The following OGDHL variants were observed in gnomAD, a reference collection of about 807,000 sequenced individuals.
The protein encoded by OGDHL is oxoglutarate dehydrogenase L.
Under a neutral mutation model 109.6 loss-of-function variants are expected in OGDHL, and 79 were observed. That is an observed-to-expected ratio of 0.72 (90% CI 0.60 to 0.87). OGDHL has a LOEUF of 0.87. OGDHL is among the 40% of genes least tolerant of loss of function. OGDHL has a pLI of 0.00. For missense variants in OGDHL, 1,275 were observed against 1,362.2 expected, an observed-to-expected ratio of 0.94 and a Z score of 1.01; for synonymous variants, 528 against 537.2, an observed-to-expected ratio of 0.98 and a Z score of 0.24.
In OGDHL at chr10:49,735,237, C is replaced by G. The variant is rs930356693; in HGVS notation, c.3024G>C (p.Lys1008Asn). Residue 1008 changes from lysine to asparagine, a missense_variant, in exon 23 of 23, where the codon AAG (lysine) becomes AAC (asparagine). By Grantham distance (94) the Lys-to-Asn change is moderately conservative. Transcript: ENST00000374103. ...CAGGTTTTGCCCAGCTCTAAAATGT[C>G]TTGCCCTCAAAGGCCTGGAGATTGA... is the stretch of plus-strand genomic sequence containing the variant. ...TAFNLQAFEG[K>N]TF 7 of 1,613,570 alleles carry G rather than the reference C, an allele frequency of 4.3e-6. No homozygotes were observed. In the African/African-American group the frequency reaches 8.0e-5, roughly 18 times the overall value.
Position 49,739,694 on chromosome 10 carries a change from A to G in OGDHL, c.2286T>C (p.Ile762=). The G allele has an allele frequency of 6.2e-7, 1 of 1,614,034 alleles. No individual in the cohort carries two copies. Among genetic ancestry groups the G allele is most frequent in the Non-Finnish European group, 8.5e-7 (1 of 1,179,960 alleles). ...CCATGCCATGGGGCAGCAGCAGCAC[A>G]ATGCCATTATGCCGCACCCACTTGG... The part of the protein sequence containing the change: ...GQAKWVRHNG[I]VLLLPHGMEG... The change falls in exon 17 of 23, where the codon ATT becomes ATC. Residue 762 remains isoleucine, a synonymous_variant. Transcript: ENST00000374103.
chr10:49,754,695 T>C (rs1350659719), intron 3 of OGDHL, among the ~76,000 whole-genome samples: 1 of 144,904 alleles, frequency 6.9e-6, no homozygotes, highest in African/African-American at 2.5e-5. Flanking sequence ...AAAAATCAAA[T>C]GTCTATGGGA....
intron 3 of OGDHL, among the ~76,000 whole-genome samples, chr10:49,754,900 G>A (rs1842826792): frequency 6.6e-6 from 1 of 152,208 alleles, no homozygotes; most frequent in Non-Finnish European, 1.5e-5. Flanking sequence ...AGCCACTTTA[G>A]CCTATTGCAA....
rs1841367750 is a variant in OGDHL, at chr10:49,738,256, C to T, written c.2326G>A (p.Glu776Lys). The change falls in exon 18 of 23, where the codon GAG becomes AAG. Residue 776 changes from glutamate (E) to lysine (K), a missense_variant. By Grantham distance (56) the Glu-to-Lys change is moderately conservative. Coordinates refer to ENST00000374103, the MANE Select transcript of OGDHL (RefSeq NM_018245.3). ...CTTTCGGGCCTCGCTGACGAGTGCT[C>T]TGGGCCCTGAAAGCAAACGCCAGAC... ...LPHGMEGMGP[E>K]HSSARPERFL... 3 of 1,612,870 alleles carry T rather than the reference C, an allele frequency of 1.9e-6. No homozygotes were observed. Among genetic ancestry groups the T allele is most frequent in the East Asian group, 4.5e-5 (2 of 44,866 alleles).
chr10:49,753,208 C>CAT (rs1842718993), intron 3 of OGDHL, among the ~76,000 whole-genome samples: 1 of 152,030 alleles, frequency 6.6e-6, no homozygotes, highest in Non-Finnish European at 1.5e-5. Flanking sequence ...TGGTGAACTA[C>CAT]ACATTATCTA....
At chr10:49,744,182 C>T in intron 13 of OGDHL, 60 bp from the exon 14 acceptor site, 1 of 1,587,592 alleles carries the variant, frequency 6.3e-7, no homozygotes, top group Middle Eastern at 1.7e-4. Context: ...TCCCCCTGGC[C>T]AGCCTGCCTC....
At chr10:49,754,637 C>G (rs1292574192) in intron 3 of OGDHL, among the ~76,000 whole-genome samples, 1 of 151,354 alleles carries the variant, frequency 6.6e-6, no homozygotes, top group African/African-American at 2.4e-5. Context: ...CTGCTAACTG[C>G]TCAAGTGCCA....
chr10:49,741,564 A>G (rs1355777949), intron 15 of OGDHL, among the ~76,000 whole-genome samples: 2 of 151,946 alleles, frequency 1.3e-5, no homozygotes, highest in African/African-American at 4.8e-5. Flanking sequence ...ACAACTGACA[A>G]GTGTCAAGTC....
chr10:49,744,551 G>C, intron 13 of OGDHL, 99 bp downstream of exon 13: 1 of 917,088 alleles, frequency 1.1e-6, no homozygotes, highest in South Asian at 1.5e-5. Flanking sequence ...CTCTAGACTA[G>C]GCAATGACAG....
rs376492885 is a variant in OGDHL at position 49,746,739 on chromosome 10, T to C, written c.1296+11A>G. 4.6e-5 allele frequency: 74 copies of C among 1,613,776 alleles called. No individual in the cohort carries two copies. The highest frequency in any genetic ancestry group is 5.9e-5 in the Non-Finnish European group (70 of 1,179,888). ...ACGCTGTGAGGCCCAGCGTGGAGCC[T>C]ACATGCTCACCTGGTTGTTGACGAC... On this transcript the variant is annotated intron_variant, in intron 10 of 22. Coordinates refer to ENST00000374103, the MANE Select transcript of OGDHL (RefSeq NM_018245.3).
chr10:49,752,489 C>T lies in OGDHL; in HGVS notation c.478+149G>A. 4 of 725,996 alleles carry T rather than the reference C, an allele frequency of 5.5e-6. No homozygotes were observed. In the East Asian group the frequency reaches 1.1e-4, roughly 19 times the overall value. The allele number at this position is 725,996 out of a possible 1,614,324, so 45.0% of individuals were successfully genotyped here. A position where few individuals can be genotyped will look rare whatever the true frequency, so the allele number is the denominator to read the frequency against. ...AGGCATCCTTCTCAGGAACAACAGG[C>T]AGTACACAGGCAAGGTAGAAAGGAG... On this transcript the variant is annotated intron_variant, in intron 4 of 22. Transcript: ENST00000374103.
In OGDHL at chr10:49,736,150, T is replaced by C; in HGVS notation, c.2782A>G (p.Lys928Glu). 2 of 1,605,112 alleles carry C rather than the reference T, an allele frequency of 1.2e-6. No individual in the cohort carries two copies. Among genetic ancestry groups the C allele is most frequent in the Non-Finnish European group, 1.7e-6 (2 of 1,175,624 alleles). ...CCTGGGTACTTCTCTGCCTCCTGCT[T>C]GATCAGGTCGAAGGGGAATGGAGAG... ...QISPFPFDLI[K>E]QEAEKYPGAE... The change falls in exon 22 of 23, where the codon AAG becomes GAG. Residue 928 changes from lysine to glutamate, a missense_variant. Coordinates refer to ENST00000374103, the MANE Select transcript of OGDHL (RefSeq NM_018245.3).
At chr10:49,754,552 G>C (rs1373316153) in intron 3 of OGDHL, among the ~76,000 whole-genome samples, 1 of 152,000 alleles carries the variant, frequency 6.6e-6, no homozygotes, top group African/African-American at 2.4e-5. Context: ...AATAAAGAAG[G>C]CAAAACAGAA....
At chr10:49,745,731 C>T (rs1292634559) in intron 11 of OGDHL, 67 bp downstream of exon 11, 1 of 1,549,986 alleles carries the variant, frequency 6.5e-7, no homozygotes, top group African/African-American at 1.4e-5. Flanking sequence ...ATGCTGATGA[C>T]ATGGCTGGCT....
chr10:49,762,109 C>T, intron 1 of OGDHL, 130 bp downstream of exon 1: 1 of 153,632 alleles, frequency 6.5e-6, no homozygotes, highest in Non-Finnish European at 1.4e-5. Flanking sequence ...CTCCCCCCGG[C>T]GGGGCCAGAC....
At chr10:49,756,656 G>A (rs1588802745) in intron 3 of OGDHL, 120 bp downstream of exon 3, 1 of 1,014,656 alleles carries the variant, frequency 9.9e-7, no homozygotes, top group Non-Finnish European at 1.4e-6. Context: ...GCTCAGTAGA[G>A]GACAAGGAGA....
At chr10:49,751,706 T>C (rs1231345599) in intron 6 of OGDHL, 121 bp downstream of exon 6, 3 of 1,300,278 alleles carry the variant, frequency 2.3e-6, no homozygotes, top group Non-Finnish European at 3.2e-6. Flanking sequence ...CAGCCAGTGG[T>C]GAGGCCGATC....
chr10:49,744,990 T>C (rs1258172), intron 12 of OGDHL, among the ~76,000 whole-genome samples: 106,685 of 152,156 alleles, frequency 0.7, 37,693 homozygotes, highest in East Asian at 0.93. Flanking sequence ...GAGAAGGCTC[T>C]GGAAACTTGT....
intron 3 of OGDHL, among the ~76,000 whole-genome samples, chr10:49,754,456 G>C (rs1475849609): frequency 6.6e-6 from 1 of 152,162 alleles, no homozygotes; most frequent in African/African-American, 2.4e-5. Context: ...AAATAAAGCA[G>C]TGATCCTGTC....
Sources: gnomAD v4.1 joint callset for allele counts (sites outside exome capture counted in the v4.1 genomes callset) on GRCh38, gnomAD v4.1.1 for gene constraint, MANE v1.5 for transcripts, NCBI Gene and HGNC (gene_info 2026-07-23, HGNC 2026-07-21) for gene names.